Variants in IQCK observed in about 807,000 individuals in gnomAD.
IQCK encodes the protein IQ domain-containing protein K.
A neutral mutation model predicts 28.1 loss-of-function variants in IQCK; 29 were observed. The ratio of observed to expected loss-of-function variants is 1.03; its 90% CI spans 0.77 to 1.41. IQCK has a LOEUF of 1.41. Among genes scored for constraint, IQCK ranks in the 40% most tolerant of loss-of-function variants. The pLI, the probability that IQCK is intolerant of heterozygous loss-of-function variation, is 0.00. For synonymous variants in IQCK, 113 were observed against 115.1 expected (o/e 0.98, Z 0.12); for missense variants, 359 against 314.7 (o/e 1.14, Z -1.07).
intron 4 of IQCK, among the ~76,000 whole-genome samples, chr16:19,740,190 G>A (rs2054813261): frequency 6.6e-6 from 1 of 152,064 alleles, no homozygotes; most frequent in East Asian, 1.9e-4. Flanking sequence ...AAATTTAAAC[G>A]GCTTCTAATT....
chr16:19,722,711 CT>C (rs58389026), intron 1 of IQCK, among the ~76,000 whole-genome samples: 7,261 of 144,318 alleles, frequency 0.05, 195 homozygotes, highest in Middle Eastern at 0.1. Flanking sequence ...CCCAGTCCAG[CT>C]TTTTTTTTTT....
At chr16:19,839,202 C>T (rs190343199) in intron 9 of IQCK, among the ~76,000 whole-genome samples, 436 of 151,152 alleles carry the variant, frequency 2.9e-3, no homozygotes, top group African/African-American at 0.01. Context: ...ACTCTGTCAC[C>T]CAGGATGGAG....
At chr16:19,815,585 C>A (rs1037236359) in intron 7 of IQCK, among the ~76,000 whole-genome samples, 12 of 152,124 alleles carry the variant, frequency 7.9e-5, no homozygotes, top group Non-Finnish European at 1.5e-4. Flanking sequence ...GTGGGAGGAT[C>A]CCTTGAGCCC....
chr16:19,841,173 ATAG>A (rs1392695240), intron 9 of IQCK, among the ~76,000 whole-genome samples: 4 of 152,208 alleles, frequency 2.6e-5, no homozygotes, highest in Non-Finnish European at 5.9e-5. Flanking sequence ...AAAACACAGA[ATAG>A]TAGCAAGAGA....
At chr16:19,743,812 G>A (rs552332891) in intron 4 of IQCK, among the ~76,000 whole-genome samples, 1 of 152,350 alleles carries the variant, frequency 6.6e-6, no homozygotes, top group South Asian at 2.1e-4. Flanking sequence ...TGGAGAAAAG[G>A]AGTGAGAAGT....
At chr16:19,764,287 G>T in intron 6 of IQCK, 175 bp downstream of exon 6, 2 of 500,592 alleles carry the variant, frequency 4.0e-6, no homozygotes, top group South Asian at 4.5e-5. Flanking sequence ...ATCCTAATCA[G>T]GCCAGTAATT....
intron 1 of IQCK, among the ~76,000 whole-genome samples, chr16:19,721,013 A>G (rs922733321): frequency 7.3e-6 from 1 of 136,068 alleles, no homozygotes; most frequent in Non-Finnish European, 1.5e-5. Context: ...ATCCGTCTAG[A>G]AAAAAAAAAA....
chr16:19,800,993 G>GTT (rs1012637121), intron 7 of IQCK, among the ~76,000 whole-genome samples: 7 of 127,286 alleles, frequency 5.5e-5, no homozygotes, highest in African/African-American at 3.1e-4. Context: ...AGGAGTGTGT[G>GTT]TTTGTGTGTG....
intron 4 of IQCK, chr16:19,736,300 G>C: frequency 2.6e-6 from 1 of 388,074 alleles, no homozygotes; most frequent in Non-Finnish European, 5.1e-6. Flanking sequence ...GTCTTGCTCT[G>C]TTTTCAGGCT....
intron 9 of IQCK, among the ~76,000 whole-genome samples, chr16:19,850,246 A>ATCT (rs2056466341): frequency 1.3e-5 from 2 of 152,074 alleles, no homozygotes; most frequent in South Asian, 4.2e-4. Flanking sequence ...CAGTTGTGAG[A>ATCT]TCTTGACCCT....
intron 6 of IQCK, among the ~76,000 whole-genome samples, chr16:19,786,246 C>T (rs1767380055): frequency 6.6e-6 from 1 of 152,132 alleles, no homozygotes; most frequent in African/African-American, 2.4e-5. Context: ...TGAGGAGAGA[C>T]ATTTAATGTG....
intron 1 of IQCK, among the ~76,000 whole-genome samples, chr16:19,724,812 G>A (rs186553466): frequency 5.5e-4 from 84 of 152,182 alleles, no homozygotes; most frequent in African/African-American, 2.0e-3. Context: ...GATTACAGGC[G>A]CGATCCACCG....
intron 4 of IQCK, among the ~76,000 whole-genome samples, chr16:19,743,909 A>G (rs1357958239): frequency 1.3e-5 from 2 of 152,242 alleles, no homozygotes; most frequent in African/African-American, 2.4e-5. Context: ...AGAAACAGCA[A>G]GAGCTGGCAC....
chr16:19,769,610 A>G (rs2055290714), intron 6 of IQCK, among the ~76,000 whole-genome samples: 1 of 152,358 alleles, frequency 6.6e-6, no homozygotes, highest in South Asian at 2.1e-4. Context: ...GATGGAAGCT[A>G]CGGCTAGAAG....
chr16:19,785,065 C>A (rs971265653), intron 6 of IQCK, among the ~76,000 whole-genome samples: 3 of 152,168 alleles, frequency 2.0e-5, no homozygotes, highest in Admixed American at 6.5e-5. Context: ...GCCACGGCGC[C>A]CCGCCTCAAT....
In IQCK at chr16:19,825,329, T is replaced by TGACCA. The variant is rs1157548274; in HGVS notation, c.691-1696_691-1692dup. ...TGAGGTCAGGAGTTCGAGACCAGCC[T>TGACCA]GACCAACATGGTAAAACCCTGTCTC... On this transcript the variant is annotated intron_variant, in intron 7 of 7. Coordinates refer to ENST00000564186, the Ensembl canonical transcript of IQCK. This position sits in a 1 kb window ranked among gnomAD's most constrained non-coding sequence, Gnocchi z 4.2. 6.6e-6 allele frequency among the ~76,000 whole-genome samples: 1 copy of TGACCA among 152,174 alleles called. No homozygotes were observed. Among genetic ancestry groups the TGACCA allele is most frequent in the East Asian group, 1.9e-4 (1 of 5,170 alleles).
chr16:19,829,566 AC>A (rs1279038823), downstream of IQCK, among the ~76,000 whole-genome samples: 2 of 152,088 alleles, frequency 1.3e-5, no homozygotes, highest in East Asian at 3.9e-4. Context: ...TGACCTCCTG[AC>A]CTCAAGTGAT....
chr16:19,745,818 CAT>C (rs113879289), intron 4 of IQCK, among the ~76,000 whole-genome samples: 7,850 of 152,200 alleles, frequency 0.052, 656 homozygotes, highest in African/African-American at 0.18. Flanking sequence ...CTATCTCACT[CAT>C]GTGTCTGGGG....
chr16:19,851,612 C>T (rs552556598), intron 9 of IQCK, among the ~76,000 whole-genome samples: 3 of 152,296 alleles, frequency 2.0e-5, no homozygotes, highest in Admixed American at 2.0e-4. Flanking sequence ...ATGCAAGGCC[C>T]TTCTTGTCAC....
Sources: allele counts gnomAD v4.1 joint callset (sites outside exome capture counted in the v4.1 genomes callset), GRCh38; gene constraint gnomAD v4.1.1; non-coding constraint Gnocchi (gnomAD v3.1); transcripts MANE v1.5; gene names NCBI Gene and HGNC (gene_info 2026-07-23, HGNC 2026-07-21).